The following GRB10 variants were observed in gnomAD, a reference collection of about 807,000 sequenced individuals.
GRB10 encodes growth factor receptor-bound protein 10.
Under a neutral mutation model 80.9 loss-of-function variants are expected in GRB10, and 20 were observed. The observed-to-expected ratio is 0.25, with a 90% confidence interval of 0.17 to 0.36. GRB10 has a LOEUF of 0.36. Among genes scored for constraint, GRB10 ranks in the 10% least tolerant of loss-of-function variants. The pLI, the probability that GRB10 is intolerant of heterozygous loss-of-function variation, is 1.00. For synonymous variants in GRB10, 291 were observed against 291.5 expected, an observed-to-expected ratio of 1.00 and a Z score of 0.02; for missense variants, 548 against 747.7, an observed-to-expected ratio of 0.73 and a Z score of 3.12.
intron 3 of GRB10, among the ~76,000 whole-genome samples, chr7:50,739,510 C>T (rs2071370341): frequency 6.6e-6 from 1 of 152,256 alleles, no homozygotes. Flanking sequence ...CTCACCTTGT[C>T]TATCCCGCAT....
chr7:50,612,451 C>T (rs1298891276), intron 13 of GRB10, among the ~76,000 whole-genome samples: 11 of 152,088 alleles, frequency 7.2e-5, no homozygotes. Context: ...TCTAAGTGGC[C>T]TGCAATGCTT....
chr7:50,641,848 A>T (rs1198471015), intron 7 of GRB10, among the ~76,000 whole-genome samples: 1 of 152,092 alleles, frequency 6.6e-6, no homozygotes, highest in East Asian at 1.9e-4. Context: ...TGGCCTGAGG[A>T]TTTACCGTGA....
At position 50,612,653 on chromosome 7, in the gene GRB10, A is replaced by G. The variant is rs2049776698; in HGVS notation, c.1194+88T>C. The G allele has an allele frequency of 6.0e-6, 5 of 836,234 alleles. No homozygotes were observed. In the East Asian group the frequency reaches 1.3e-4, roughly 21 times the overall value. The allele number at this position is 836,234 out of a possible 1,614,324, so 51.8% of individuals were successfully genotyped here. A position where few individuals can be genotyped will look rare whatever the true frequency, so the allele number is the denominator to read the frequency against. ...ACAGAACAGCGGAAAAGTTACGAGCATTTTCCTGCCAGAATAGACATCAAG... is the reference window on the plus strand; with the variant it reads ...ACAGAACAGCGGAAAAGTTACGAGCGTTTTCCTGCCAGAATAGACATCAAG... On this transcript the variant is annotated intron_variant, in intron 13 of 18. Coordinates refer to ENST00000401949, the MANE Select transcript of GRB10 (RefSeq NM_001350814.2).
chr7:50,627,236 G>C (rs1455486414), intron 7 of GRB10, among the ~76,000 whole-genome samples: 1 of 152,078 alleles, frequency 6.6e-6, no homozygotes, highest in Non-Finnish European at 1.5e-5. Context: ...CAACTCATGG[G>C]AACATACAGC....
At chr7:50,752,587 G>T (rs575003909) in intron 3 of GRB10, among the ~76,000 whole-genome samples, 1 of 152,194 alleles carries the variant, frequency 6.6e-6, no homozygotes, top group African/African-American at 2.4e-5. Flanking sequence ...CGCTAAGGTA[G>T]ATTGGTGTCA....
rs1315064996 is a variant in GRB10, at chr7:50,775,307, C to G, written c.-217+5320G>C. Reference sequence around the variant, plus strand: ...GACAAACATTAAATCAATGGTAAGGCTGGAGAATAAATCTTTGGTTCCATG... The same window carrying G: ...GACAAACATTAAATCAATGGTAAGGGTGGAGAATAAATCTTTGGTTCCATG... On this transcript the variant is annotated intron_variant, in intron 2 of 18. Transcript: ENST00000401949. 2.5e-4 allele frequency among the ~76,000 whole-genome samples: 38 copies of G among 152,106 alleles called. 1 individual carries two copies. Among genetic ancestry groups the G allele is most frequent in the Admixed American group, 2.5e-3 (38 of 15,282 alleles).
intron 7 of GRB10, among the ~76,000 whole-genome samples, chr7:50,660,208 G>A (rs1368388087): frequency 3.3e-5 from 5 of 151,756 alleles, no homozygotes; most frequent in Admixed American, 2.0e-4. Context: ...CCATCATGCC[G>A]CGTCCACAGG....
At chr7:50,755,235 A>T (rs1409376051) in intron 3 of GRB10, among the ~76,000 whole-genome samples, 1 of 152,170 alleles carries the variant, frequency 6.6e-6, no homozygotes, top group Non-Finnish European at 1.5e-5. Flanking sequence ...TGCAGCTACC[A>T]TCTCAGACCT....
At chr7:50,718,718 C>T (rs546566962) in intron 4 of GRB10, among the ~76,000 whole-genome samples, 2 of 152,304 alleles carry the variant, frequency 1.3e-5, no homozygotes, top group African/African-American at 4.8e-5. Context: ...AGGAGCCCAA[C>T]GTTAAGTCCC....
intron 8 of GRB10, among the ~76,000 whole-genome samples, chr7:50,626,538 C>G (rs1163154996): frequency 6.6e-6 from 1 of 152,226 alleles, no homozygotes; most frequent in African/African-American, 2.4e-5. Flanking sequence ...GCTCTGACAG[C>G]TGGGGAGGCT....
At chr7:50,783,343 CTGA>C (rs970861448), upstream of GRB10, among the ~76,000 whole-genome samples, 7 of 152,146 alleles carry the variant, frequency 4.6e-5, no homozygotes, top group African/African-American at 1.4e-4. Context: ...CCCATTTAAA[CTGA>C]GAGTCAGCGA....
chr7:50,727,969 G>GC (rs2068925731), intron 4 of GRB10: 1 of 152,188 alleles, frequency 6.6e-6, no homozygotes, highest in African/African-American at 2.4e-5. Context: ...CACACTGCCT[G>GC]TTTTACCTCA....
chr7:50,654,066 A>G (rs1405271396), intron 7 of GRB10, among the ~76,000 whole-genome samples: 1 of 152,186 alleles, frequency 6.6e-6, no homozygotes, highest in African/African-American at 2.4e-5. Context: ...CCCTCGGATG[A>G]CGTTTATACA....
intron 7 of GRB10, among the ~76,000 whole-genome samples, chr7:50,650,662 G>A (rs775355944): frequency 1.3e-5 from 2 of 152,244 alleles, no homozygotes; most frequent in Admixed American, 1.3e-4. Flanking sequence ...ACAGGCAGGT[G>A]AGTGCTGATG....
chr7:50,780,037 A>G (rs767823636), intron 2 of GRB10, among the ~76,000 whole-genome samples: 6 of 152,144 alleles, frequency 3.9e-5, no homozygotes, highest in Non-Finnish European at 8.8e-5. Context: ...TGGCCCCCCA[A>G]TCCTAGTCAC....
At chr7:50,702,954 C>A (rs1030032635) in intron 5 of GRB10, among the ~76,000 whole-genome samples, 1 of 152,186 alleles carries the variant, frequency 6.6e-6, no homozygotes, top group Non-Finnish European at 1.5e-5. Flanking sequence ...CAACGTAACA[C>A]GTTAAAATTT....
At chr7:50,621,599 T>A (rs1408207770) in intron 8 of GRB10, among the ~76,000 whole-genome samples, 1 of 152,202 alleles carries the variant, frequency 6.6e-6, no homozygotes, top group Non-Finnish European at 1.5e-5. Flanking sequence ...CGACTGCACA[T>A]CTGTTCAAAG....
intron 3 of GRB10, among the ~76,000 whole-genome samples, chr7:50,737,425 G>T (rs2070988141): frequency 1.3e-5 from 2 of 152,202 alleles, no homozygotes; most frequent in Admixed American, 1.3e-4. Context: ...TCCTCCATGA[G>T]TCTAAGTTCC....
At chr7:50,601,529 C>A (rs1036677214) in intron 17 of GRB10, among the ~76,000 whole-genome samples, 1 of 152,088 alleles carries the variant, frequency 6.6e-6, no homozygotes, top group Non-Finnish European at 1.5e-5. Flanking sequence ...ATTAAAAGGA[C>A]TGTAAAGAAA....
Sources: allele counts gnomAD v4.1 joint callset (sites outside exome capture counted in the v4.1 genomes callset), GRCh38; gene constraint gnomAD v4.1.1; transcripts MANE v1.5; gene names NCBI Gene and HGNC (gene_info 2026-07-23, HGNC 2026-07-21).